ATP6V0A4: variants seen among roughly 807,000 people sequenced by gnomAD.
The protein encoded by ATP6V0A4 is ATPase H+ transporting V0 subunit a4.
In ATP6V0A4, 86 loss-of-function variants were observed where a neutral mutation model predicts 107.3. The ratio of observed to expected loss-of-function variants is 0.80; its 90% CI spans 0.67 to 0.96. The LOEUF is 0.96. Ranked by LOEUF, ATP6V0A4 falls within the 40% of genes least tolerant of loss-of-function variation. ATP6V0A4 has a pLI of 0.00. For synonymous variants in ATP6V0A4, 353 were observed against 381.4 expected (o/e 0.93, Z 0.87); for missense variants, 908 against 1,045.6 (o/e 0.87, Z 1.81).
intron 15 of ATP6V0A4, among the ~76,000 whole-genome samples, chr7:138,737,116 A>T (rs1199168983): frequency 1.3e-5 from 1 of 77,938 alleles, no homozygotes; most frequent in African/African-American, 4.5e-5. Flanking sequence ...GCCCTTATTA[A>T]TATATATATA....
In ATP6V0A4 at chr7:138,755,427, C is replaced by T. The variant is rs551769638; in HGVS notation, c.816+262G>A. Among the ~76,000 whole-genome samples, 34 of 152,268 alleles carry T rather than the reference C, an allele frequency of 2.2e-4. No individual in the cohort carries two copies. In the South Asian group the frequency reaches 5.4e-3, roughly 24 times the overall value. ...CAATAAAGGGTGCCTTTTATCAGATCGGGGTGGCCACCTGAAGGCTGACTA... is the reference window on the plus strand; with the variant it reads ...CAATAAAGGGTGCCTTTTATCAGATTGGGGTGGCCACCTGAAGGCTGACTA... On this transcript the variant is annotated intron_variant, in intron 10 of 21. Transcript: ENST00000310018.
chr7:138,789,993 ATTAAC>A (rs1808337331), intron 1 of ATP6V0A4, among the ~76,000 whole-genome samples: 1 of 149,602 alleles, frequency 6.7e-6, no homozygotes, highest in Admixed American at 6.7e-5. Flanking sequence ...AAAAAAAAGT[ATTAAC>A]TTGATTTTAT....
At chr7:138,748,821 G>A (rs1164657408) in intron 12 of ATP6V0A4, among the ~76,000 whole-genome samples, 1 of 152,180 alleles carries the variant, frequency 6.6e-6, no homozygotes, top group Non-Finnish European at 1.5e-5. Context: ...ACAGGACTGT[G>A]AAGATGCCAA....
rs7810721 is a variant in ATP6V0A4 at position 138,759,992 on chromosome 7, C to T, written c.513-114G>A. The stretch of plus-strand genomic sequence containing the variant: ...AAGGAAGGGCCATTCACTCTGTGAG[C>T]AGGAGGGACCCCGACACAGCTCTAC... On this transcript the variant is annotated intron_variant, in intron 7 of 21. Coordinates refer to ENST00000310018, the MANE Select transcript of ATP6V0A4 (RefSeq NM_020632.3). 0.16 allele frequency: 246,619 copies of T among 1,568,496 alleles called. 20,613 individuals carry two copies. The highest frequency in any genetic ancestry group is 0.27 in the South Asian group (24,184 of 88,508).
At chr7:138,774,669 T>C (rs963877156) in intron 2 of ATP6V0A4, among the ~76,000 whole-genome samples, 14 of 147,172 alleles carry the variant, frequency 9.5e-5, no homozygotes, top group African/African-American at 3.2e-4. Flanking sequence ...ATATATTATA[T>C]ACATTATATA....
chr7:138,718,495 G>T (rs113300562), intron 19 of ATP6V0A4, among the ~76,000 whole-genome samples: 29,359 of 81,694 alleles, frequency 0.36, 4,218 homozygotes, highest in South Asian at 0.51. Context: ...CAGTCACGGA[G>T]GTCTGCGGAG....
chr7:138,721,694 T>C lies in ATP6V0A4; in HGVS notation c.2139+203A>G, dbSNP rs540198026. ...CTAGAAATATTAAAATGTGCCCAGA[T>C]TGGTTGCTAAATAGCTGTTCTGATC... On this transcript the variant is annotated intron_variant, in intron 19 of 21. Transcript: ENST00000310018. Among the ~76,000 whole-genome samples, 13 of 152,254 alleles carry C rather than the reference T, an allele frequency of 8.5e-5. No individual in the cohort carries two copies. The South Asian group carries it at 2.1e-3, about 24-fold the overall frequency.
In ATP6V0A4 at chr7:138,784,255, T is replaced by TAC. The variant is rs1808064111; in HGVS notation, c.-18+1902_-18+1903insGT. Among the ~76,000 whole-genome samples the TAC allele has an allele frequency of 1.0e-4, 3 of 28,886 alleles. 1 individual carries two copies. The highest frequency in any genetic ancestry group is 2.9e-4 in the African/African-American group (2 of 6,802). 19.0% of individuals were successfully genotyped at this position (28,886 alleles called of 152,430 possible). On this transcript the variant is annotated intron_variant, in intron 2 of 21. Coordinates refer to ENST00000310018, the MANE Select transcript of ATP6V0A4 (RefSeq NM_020632.3). ...ATATACGTATATATATATATATACA[T>TAC]ATATATATATACATATATATATATA...
intron 1 of ATP6V0A4, among the ~76,000 whole-genome samples, chr7:138,788,175 G>A (rs1455563454): frequency 2.0e-5 from 3 of 151,930 alleles, no homozygotes; most frequent in South Asian, 2.1e-4. Flanking sequence ...AAAAATTGGC[G>A]GAATATTTAT....
At chr7:138,770,057 C>T (rs1340998467) in intron 3 of ATP6V0A4, among the ~76,000 whole-genome samples, 2 of 151,700 alleles carry the variant, frequency 1.3e-5, no homozygotes. Flanking sequence ...TCTCAAACAA[C>T]AACAACAAAA....
At chr7:138,763,101 T>G in intron 5 of ATP6V0A4, 76 bp from the exon 6 acceptor site, 5 of 1,580,212 alleles carry the variant, frequency 3.2e-6, no homozygotes, top group Non-Finnish European at 4.3e-6. Context: ...CCACAACAGA[T>G]GACTAAAAAA....
chr7:138,757,093 T>C (rs1806548620), intron 8 of ATP6V0A4, among the ~76,000 whole-genome samples: 1 of 152,196 alleles, frequency 6.6e-6, no homozygotes, highest in Non-Finnish European at 1.5e-5. Context: ...AGTTGGACAA[T>C]TCACAAGAAA....
chr7:138,709,881 T>C (rs1240725411), intron 20 of ATP6V0A4, 86 bp from the exon 21 acceptor site: 1 of 1,378,360 alleles, frequency 7.3e-7, no homozygotes, highest in East Asian at 3.0e-5. Flanking sequence ...ATTAAAAATA[T>C]ATATATATTT....
chr7:138,774,354 G>A (rs573445696), intron 2 of ATP6V0A4, among the ~76,000 whole-genome samples: 86 of 152,050 alleles, frequency 5.7e-4, no homozygotes, highest in African/African-American at 1.9e-3. Context: ...TGAGGTGGGC[G>A]GATCATTTGA....
intron 21 of ATP6V0A4, among the ~76,000 whole-genome samples, chr7:138,707,272 T>TAGA (rs1803471208): frequency 2.2e-5 from 2 of 91,436 alleles, no homozygotes; most frequent in Admixed American, 3.8e-4. Flanking sequence ...TTATATTATA[T>TAGA]ATTCTATATA....
intron 7 of ATP6V0A4, among the ~76,000 whole-genome samples, chr7:138,760,460 A>G (rs374946691): frequency 2.2e-4 from 32 of 145,022 alleles, no homozygotes; most frequent in South Asian, 1.1e-3. Flanking sequence ...AAAAAAAAAA[A>G]AAAAGAATAT....
intron 10 of ATP6V0A4, among the ~76,000 whole-genome samples, chr7:138,753,182 A>C (rs1806320988): frequency 6.6e-6 from 1 of 152,232 alleles, no homozygotes; most frequent in South Asian, 2.1e-4. Flanking sequence ...AGAAGAGGTC[A>C]TACTGGATTT....
chr7:138,791,894 C>T (rs1409195444), intron 1 of ATP6V0A4, among the ~76,000 whole-genome samples: 1 of 152,082 alleles, frequency 6.6e-6, no homozygotes, highest in African/African-American at 2.4e-5. Flanking sequence ...AACCGGTAAA[C>T]ATGTAAATAA....
intron 5 of ATP6V0A4, among the ~76,000 whole-genome samples, chr7:138,767,248 C>T (rs948392917): frequency 6.6e-6 from 1 of 152,306 alleles, no homozygotes; most frequent in Non-Finnish European, 1.5e-5. Flanking sequence ...ACAGGCCAGG[C>T]GAGGTGGCTC....
Sources: allele counts gnomAD v4.1 joint callset (sites outside exome capture counted in the v4.1 genomes callset), GRCh38; gene constraint gnomAD v4.1.1; transcripts MANE v1.5; gene names NCBI Gene and HGNC (gene_info 2026-07-23, HGNC 2026-07-21).